The following CLIP2 variants were observed in gnomAD, a reference collection of about 807,000 sequenced individuals.
The protein encoded by CLIP2 is CAP-Gly domain-containing linker protein 2.
A neutral mutation model predicts 111.7 loss-of-function variants in CLIP2; 41 were observed. That is an observed-to-expected ratio of 0.37 (90% CI 0.29 to 0.48). The LOEUF (loss-of-function observed/expected upper bound fraction) is 0.48. Ranked by LOEUF, CLIP2 falls within the 20% of genes least tolerant of loss-of-function variation. The pLI, the probability that CLIP2 is intolerant of heterozygous loss-of-function variation, is 0.99. For missense variants in CLIP2, 1,160 were observed against 1,422.1 expected, an observed-to-expected ratio of 0.82 and a Z score of 2.96; for synonymous variants, 660 against 644.2, an observed-to-expected ratio of 1.02 and a Z score of -0.37.
rs574789 is a variant in CLIP2, at chr7:74,338,317, G to C, written c.122-131G>C. The stretch of plus-strand genomic sequence containing the variant: ...AGGAGTTCGAGACCAGCCTGGCCGA[G>C]ATGGTGAAACCCCATCTCTACCCAA... On this transcript the variant is annotated intron_variant, in intron 2 of 16. Coordinates refer to ENST00000223398, the MANE Select transcript of CLIP2 (RefSeq NM_003388.5). The surrounding 1 kb of genome is among the most constrained non-coding windows in gnomAD (Gnocchi z 4.3). The C allele has an allele frequency of 0.7, 703,284 of 1,007,504 alleles. 251,257 individuals are homozygous for C. The highest frequency in any genetic ancestry group is 0.74 in the Non-Finnish European group (525,991 of 707,190). The allele number at this position is 1,007,504 out of a possible 1,614,324, so 62.4% of individuals were successfully genotyped here.
chr7:74,375,114 G>A (rs983089875), intron 9 of CLIP2, among the ~76,000 whole-genome samples: 1 of 152,164 alleles, frequency 6.6e-6, no homozygotes. Flanking sequence ...TGGGCATGGT[G>A]GCTCATGCCC....
At chr7:74,373,753 G>GCCTC (rs1470114727) in intron 9 of CLIP2, among the ~76,000 whole-genome samples, 1 of 152,120 alleles carries the variant, frequency 6.6e-6, no homozygotes, top group Non-Finnish European at 1.5e-5. Context: ...TGTCTCCCCA[G>GCCTC]CTGAGGAGGC....
chr7:74,372,996 C>A lies in CLIP2; in HGVS notation c.1445C>A (p.Ala482Glu). Residue 482 changes from alanine (A) to glutamate (E), a missense_variant, in exon 9 of 17, where the codon GCG becomes GAG. Physicochemically the swap from Ala to Glu is moderately radical, Grantham distance 107 (BLOSUM62 -1). This residue lies in a region of CLIP2 where 676 missense variants were observed against 777.8 expected (regional missense o/e 0.87). Coordinates refer to ENST00000223398, the MANE Select transcript of CLIP2 (RefSeq NM_003388.5). ...ELEQSLLLEK[A>E]QAERLLRELA... ...GAACAGAGCCTGCTACTGGAGAAGG[C>A]GCAGGCCGAGCGGCTGCTCCGAGAA... 1.3e-6 allele frequency: 2 copies of A among 1,595,550 alleles called. No individual in the cohort carries two copies. Among genetic ancestry groups the A allele is most frequent in the Non-Finnish European group, 1.7e-6 (2 of 1,173,542 alleles).
rs199957930 is a variant in CLIP2 at position 74,397,252 on chromosome 7, G to A, written c.2880+19G>A. On this transcript the variant is annotated intron_variant, in intron 14 of 16. Coordinates refer to ENST00000223398, the MANE Select transcript of CLIP2 (RefSeq NM_003388.5). ...CGGGCTGGTATGTGGGGTAGGGGTG[G>A]CCTAGGGGCAGGGGCACTAGTCCGG... 2.5e-6 allele frequency: 4 copies of A among 1,610,666 alleles called. No homozygotes were observed. The highest frequency in any genetic ancestry group is 3.4e-6 in the Non-Finnish European group (4 of 1,178,254).
intron 13 of CLIP2, among the ~76,000 whole-genome samples, chr7:74,393,624 C>G (rs1234546288): frequency 6.6e-6 from 1 of 152,188 alleles, no homozygotes; most frequent in East Asian, 1.9e-4. Flanking sequence ...GTGTGAGCCA[C>G]TCTGCCGGGC....
chr7:74,369,227 A>C (rs1790539351), intron 8 of CLIP2, among the ~76,000 whole-genome samples: 1 of 151,810 alleles, frequency 6.6e-6, no homozygotes, highest in South Asian at 2.1e-4. Flanking sequence ...GGTGGGCACC[A>C]GTAATCCCAG....
At chr7:74,354,111 G>A in intron 4 of CLIP2, 107 bp downstream of exon 4, 1 of 1,339,230 alleles carries the variant, frequency 7.5e-7, no homozygotes, top group Non-Finnish European at 1.0e-6. Context: ...AGCATGTAGT[G>A]TCAGACACCA....
At chr7:74,373,566 G>A (rs1554312314) in intron 9 of CLIP2, among the ~76,000 whole-genome samples, 1 of 152,146 alleles carries the variant, frequency 6.6e-6, no homozygotes, top group Non-Finnish European at 1.5e-5. Context: ...TGGAGTTGGG[G>A]GTGGGGGTGG....
At chr7:74,322,029 G>C (rs1788971339) in intron 2 of CLIP2, among the ~76,000 whole-genome samples, 1 of 146,940 alleles carries the variant, frequency 6.8e-6, no homozygotes, top group Non-Finnish European at 1.5e-5. Flanking sequence ...TGTCGACCAG[G>C]CTGGAGTGTA....
In CLIP2 at chr7:74,371,192, C is replaced by T. The variant is rs184806681; in HGVS notation, c.1381-1740C>T. On this transcript the variant is annotated intron_variant, in intron 8 of 16. Transcript: ENST00000223398. ...CTGGGAGGTGGAGGTTGCAGTGAGC[C>T]GAGATCGCGCCACTGCGCTCCAGCC... Among the ~76,000 whole-genome samples the T allele has an allele frequency of 3.8e-3, 535 of 140,856 alleles. 2 individuals carry two copies. Among genetic ancestry groups the T allele is most frequent in the Non-Finnish European group, 4.8e-3 (317 of 66,430 alleles). 92.4% of individuals were successfully genotyped at this position (140,856 alleles called of 152,430 possible).
rs186580681 is a variant in CLIP2, at chr7:74,311,439, G to T, written c.-67-6041G>T. On this transcript the variant is annotated intron_variant, in intron 1 of 16. Coordinates refer to ENST00000223398, the MANE Select transcript of CLIP2 (RefSeq NM_003388.5). ...TTTTAGCCATTTCCCTTGATGGGAA[G>T]TGGTATCTCTTGTTTTGATCTGTAT... Among the ~76,000 whole-genome samples, 9 of 152,320 alleles carry T rather than the reference G, an allele frequency of 5.9e-5. No homozygotes were observed. In the East Asian group the frequency reaches 1.7e-3, roughly 29 times the overall value.
At chr7:74,349,171 G>A (rs1012610712) in intron 3 of CLIP2, among the ~76,000 whole-genome samples, 12 of 151,812 alleles carry the variant, frequency 7.9e-5, no homozygotes, top group East Asian at 3.9e-4. Context: ...GGTAGCTTAC[G>A]CCTGTAATCC....
At chr7:74,341,316 T>G (rs879962519) in intron 3 of CLIP2, among the ~76,000 whole-genome samples, 1 of 147,730 alleles carries the variant, frequency 6.8e-6, no homozygotes, top group Non-Finnish European at 1.5e-5. Flanking sequence ...GCCTCCCGAG[T>G]AGCTGGGGCT....
At chr7:74,299,853 A>G (rs1788278535) in intron 1 of CLIP2, among the ~76,000 whole-genome samples, 1 of 146,236 alleles carries the variant, frequency 6.8e-6, no homozygotes, top group Non-Finnish European at 1.5e-5. Flanking sequence ...ATGTGCCCCC[A>G]TGCCCGGCTA....
chr7:74,306,406 A>G (rs1584310399), intron 1 of CLIP2, among the ~76,000 whole-genome samples: 1 of 152,040 alleles, frequency 6.6e-6, no homozygotes, highest in Admixed American at 6.6e-5. Flanking sequence ...CCTGCCAAGC[A>G]CCTGCCCCTC....
intron 13 of CLIP2, among the ~76,000 whole-genome samples, chr7:74,392,730 A>T (rs892502618): frequency 6.6e-6 from 1 of 152,036 alleles, no homozygotes; most frequent in South Asian, 2.1e-4. Context: ...CAGGCAGGAG[A>T]ATCACTTGAA....
chr7:74,314,125 T>C (rs1326081514), intron 1 of CLIP2, among the ~76,000 whole-genome samples: 1 of 148,442 alleles, frequency 6.7e-6, no homozygotes, highest in Non-Finnish European at 1.5e-5. Context: ...GAGGTTGCAG[T>C]GATCCAAGAT....
chr7:74,338,561 T>A lies in CLIP2; in HGVS notation c.235T>A (p.Phe79Ile). 6.3e-7 allele frequency: 1 copy of A among 1,588,210 alleles called. No individual in the cohort carries two copies. Among genetic ancestry groups the A allele is most frequent in the Non-Finnish European group, 8.6e-7 (1 of 1,168,646 alleles). ...AEVGDDFLGD[F>I]VVGERVWVNG... ...AGTGGGGGATGACTTCCTGGGGGAC[T>A]TTGTGGTGGGCGAGCGGGTGTGGGT... The change falls in exon 3 of 17, where the codon TTT (phenylalanine) becomes ATT (isoleucine). Residue 79 changes from phenylalanine (F) to isoleucine (I), a missense_variant. Phe to Ile is a conservative substitution (Grantham distance 21). Around this residue, in one of 5 missense-constraint regions of CLIP2, gnomAD observed 301 missense variants for 315.2 expected, o/e 0.96. Coordinates refer to ENST00000223398, the MANE Select transcript of CLIP2 (RefSeq NM_003388.5). The surrounding 1 kb of genome is among the most constrained non-coding windows in gnomAD (Gnocchi z 4.3).
chr7:74,370,242 G>C (rs1222041773), intron 8 of CLIP2, among the ~76,000 whole-genome samples: 1 of 151,298 alleles, frequency 6.6e-6, no homozygotes, highest in East Asian at 1.9e-4. Context: ...GGATCACGAG[G>C]TCAGGGGATC....
Sources: allele counts gnomAD v4.1 joint callset (sites outside exome capture counted in the v4.1 genomes callset), GRCh38; gene constraint gnomAD v4.1.1; regional missense constraint gnomAD v4.1.1; non-coding constraint Gnocchi (gnomAD v3.1); transcripts MANE v1.5; gene names NCBI Gene and HGNC (gene_info 2026-07-23, HGNC 2026-07-21).